Variants in PLXNB1 observed in about 807,000 individuals in gnomAD.
The protein encoded by PLXNB1 is plexin B1, also known as plexin-B1.
A neutral mutation model predicts 209.4 loss-of-function variants in PLXNB1; 106 were observed. The observed-to-expected ratio is 0.51, with a 90% CI of 0.43 to 0.59. PLXNB1 has a LOEUF of 0.59. Ranked by LOEUF, PLXNB1 falls within the 20% of genes least tolerant of loss-of-function variation. The pLI, the probability that PLXNB1 is intolerant of heterozygous loss-of-function variation, is 0.00. For missense variants in PLXNB1, 2,357 were observed against 2,853.2 expected, an observed-to-expected ratio of 0.83 and a Z score of 3.96; for synonymous variants, 1,167 against 1,183.2, an observed-to-expected ratio of 0.99 and a Z score of 0.28.
In PLXNB1 at chr3:48,415,133, A is replaced by G; in HGVS notation, c.3966+43T>C. On this transcript the variant is annotated intron_variant, in intron 20 of 37. Coordinates refer to ENST00000296440, the MANE Select transcript of PLXNB1 (RefSeq NM_001130082.3). The surrounding 1 kb of genome is among the most constrained non-coding windows in gnomAD (Gnocchi z 5.0). Reference sequence around the variant, plus strand: ...GCTCTGGCTGTCCCCAGGGTGTGGTATGGGGCAAGGGGAGAGTGTGGGGGT... The same window carrying G: ...GCTCTGGCTGTCCCCAGGGTGTGGTGTGGGGCAAGGGGAGAGTGTGGGGGT... 6.2e-7 allele frequency: 1 copy of G among 1,606,718 alleles called. No individual in the cohort carries two copies. The highest frequency in any genetic ancestry group is 8.5e-7 in the Non-Finnish European group (1 of 1,174,540).
Position 48,415,478 on chromosome 3 carries a change from A to G in PLXNB1, c.3794+105T>C. On this transcript the variant is annotated intron_variant, in intron 19 of 37. Coordinates refer to ENST00000296440, the MANE Select transcript of PLXNB1 (RefSeq NM_001130082.3). This position sits in a 1 kb window ranked among gnomAD's most constrained non-coding sequence, Gnocchi z 5.0. Reference sequence around the variant, plus strand: ...ACGACCCCTTGCCCCTACTAGCAGCATGGGATTCTCAGTGCCTCAACATAA... The same window carrying G: ...ACGACCCCTTGCCCCTACTAGCAGCGTGGGATTCTCAGTGCCTCAACATAA... 4 of 1,417,366 alleles carry G rather than the reference A, an allele frequency of 2.8e-6. No individual in the cohort carries two copies. Among genetic ancestry groups the G allele is most frequent in the Non-Finnish European group, 3.8e-6 (4 of 1,041,572 alleles). 87.8% of individuals were successfully genotyped at this position (1,417,366 alleles called of 1,614,324 possible). A position where few individuals can be genotyped will look rare whatever the true frequency, so the allele number is the denominator to read the frequency against.
chr3:48,418,818 G>T lies in PLXNB1; in HGVS notation c.2955+99C>A. On this transcript the variant is annotated intron_variant, in intron 13 of 37. Transcript: ENST00000296440. The surrounding 1 kb of genome is among the most constrained non-coding windows in gnomAD (Gnocchi z 6.6). ...ACTCCCTCAGGGCGACACGGTCAGA[G>T]CGTGGCTCTGGAAAGTGTGGTGCAG... The T allele has an allele frequency of 1.4e-6, 2 of 1,466,698 alleles. No homozygotes were observed. Among genetic ancestry groups the T allele is most frequent in the Non-Finnish European group, 1.9e-6 (2 of 1,060,450 alleles). 90.9% of individuals were successfully genotyped at this position (1,466,698 alleles called of 1,614,324 possible).
chr3:48,407,023 G>A lies in PLXNB1; in HGVS notation c.6152+4C>T. On this transcript the variant is annotated splice_donor_region_variant and intron_variant, in intron 35 of 37. Coordinates refer to ENST00000296440, the MANE Select transcript of PLXNB1 (RefSeq NM_001130082.3). Reference sequence around the variant, plus strand: ...CAACCTCTACCCACCGTGCCCTCCAGTACCTTTCCACCATCCGCTTGTACC... The same window carrying A: ...CAACCTCTACCCACCGTGCCCTCCAATACCTTTCCACCATCCGCTTGTACC... The A allele has an allele frequency of 6.2e-7, 1 of 1,614,008 alleles. No individual in the cohort carries two copies. Among genetic ancestry groups the A allele is most frequent in the Non-Finnish European group, 8.5e-7 (1 of 1,179,960 alleles).
chr3:48,413,144 C>T lies in PLXNB1; in HGVS notation c.4561G>A (p.Asp1521Asn). 1.2e-6 allele frequency: 2 copies of T among 1,613,196 alleles called. No homozygotes were observed. The highest frequency in any genetic ancestry group is 1.7e-6 in the Non-Finnish European group (2 of 1,179,960). Residue 1521 changes from aspartate (D) to asparagine (N), a missense_variant, in exon 24 of 38, where the codon GAC becomes AAC. By Grantham distance (23) the Asp-to-Asn change is conservative. Transcript: ENST00000296440. This position sits in a 1 kb window ranked among gnomAD's most constrained non-coding sequence, Gnocchi z 5.4. The part of the protein sequence containing the change: ...YRRKSKQALR[D>N]YKKVQIQLEN... The stretch of plus-strand genomic sequence containing the variant: ...AGCTGGATCTGAACCTTCTTATAGT[C>T]CCTCAGGGCCTGCTTGCTCTTCCTC...
intron 34 of PLXNB1, among the ~76,000 whole-genome samples, chr3:48,407,464 C>T (rs1027355884): frequency 2.6e-5 from 4 of 152,162 alleles, no homozygotes; most frequent in African/African-American, 9.7e-5. Context: ...ATTACCTAAG[C>T]GGCCACAGAC....
chr3:48,422,768 G>A lies in PLXNB1; in HGVS notation c.1287C>T (p.His429=). Residue 429 remains histidine, a synonymous_variant, in exon 4 of 38, where the codon CAC becomes CAT. Coordinates refer to ENST00000296440, the MANE Select transcript of PLXNB1 (RefSeq NM_001130082.3). ...CCAGTACTTCCTGTGGGCTCACCCT[G>A]TGCAGCTGCCCTTGACTATCACCCA... The part of the protein sequence containing the change: ...AFLGDSQGQL[H]RVYLGPGSDG... 6.2e-7 allele frequency: 1 copy of A among 1,613,586 alleles called. No individual in the cohort carries two copies.
chr3:48,414,106 C>T, intron 21 of PLXNB1, 35 bp from the exon 22 acceptor site: 1 of 1,605,766 alleles, frequency 6.2e-7, no homozygotes, highest in Non-Finnish European at 8.5e-7. Flanking sequence ...TCACTCAGGA[C>T]CCTTCCCTCA....
chr3:48,424,122 G>A lies in PLXNB1; in HGVS notation c.490C>T (p.Pro164Ser). ...GLVAQGLAGE[P>S]LLFVGRGYTS... ...TATCCTCGCCCCACAAACAGGAGGG[G>A]CTCCCCTGCCAAGCCCTGGGCTACC... The change falls in exon 3 of 38, where the codon CCC becomes TCC. Residue 164 changes from proline to serine, a missense_variant. Transcript: ENST00000296440. 5 of 1,554,230 alleles carry A rather than the reference G, an allele frequency of 3.2e-6. No homozygotes were observed. The highest frequency in any genetic ancestry group is 4.4e-6 in the Non-Finnish European group (5 of 1,149,136).
Position 48,413,502 on chromosome 3 carries a change from T to C in PLXNB1, c.4535+168A>G, listed in dbSNP as rs1472446088. 3 of 688,896 alleles carry C rather than the reference T, an allele frequency of 4.4e-6. No individual in the cohort carries two copies. The highest frequency in any genetic ancestry group is 5.5e-5 in the East Asian group (2 of 36,270). 42.7% of individuals were successfully genotyped at this position (688,896 alleles called of 1,614,324 possible). A position where few individuals can be genotyped will look rare whatever the true frequency, so the allele number is the denominator to read the frequency against. ...GTCCCTGGCTGCCTTTGTGCCACAG[T>C]GGCAAAGCTGAGTTGTTGAACAGAG... is the stretch of plus-strand genomic sequence containing the variant. On this transcript the variant is annotated intron_variant, in intron 23 of 37. Transcript: ENST00000296440. The surrounding 1 kb of genome is among the most constrained non-coding windows in gnomAD (Gnocchi z 5.4).
chr3:48,421,755 T>C lies in PLXNB1; in HGVS notation c.1572A>G (p.Leu524=), dbSNP rs1261269277. 2.5e-6 allele frequency: 4 copies of C among 1,610,324 alleles called. No homozygotes were observed. Among genetic ancestry groups the C allele is most frequent in the Admixed American group, 1.7e-5 (1 of 59,970 alleles). Residue 524 remains leucine (L), a synonymous_variant, in exon 7 of 38, where the codon CTA becomes CTG. Coordinates refer to ENST00000296440, the MANE Select transcript of PLXNB1 (RefSeq NM_001130082.3). ...CSRGQGPEQW[L]WSFQPELGCL... ...AGCCCAGCTCAGGCTGGAAGCTCCA[T>C]AGCCACTGCTCTGGGCCCTGGCCCC...
intron 21 of PLXNB1, 137 bp downstream of exon 21, chr3:48,414,662 C>A: frequency 8.5e-7 from 1 of 1,173,828 alleles, no homozygotes; most frequent in Non-Finnish European, 1.2e-6. Flanking sequence ...CCTCTGCCCC[C>A]ACCACAGCAA....
Position 48,415,219 on chromosome 3 carries a change from G to C in PLXNB1, c.3923C>G (p.Pro1308Arg), listed in dbSNP as rs780783476. ...GGGTCCAAGGGAACATGCCGTCTCCGGGACCACGCGACGCCTCCGTCCAAG... is the reference window on the plus strand; with the variant it reads ...GGGTCCAAGGGAACATGCCGTCTCCCGGACCACGCGACGCCTCCGTCCAAG... ...QGLGRRRRVV[P>R]ETACSLGPSC... The change falls in exon 20 of 38, where the codon CCG becomes CGG. Residue 1308 changes from proline to arginine, a missense_variant. This residue lies in a region of PLXNB1 where 743 missense variants were observed against 896.2 expected (regional missense o/e 0.83). Transcript: ENST00000296440. The surrounding 1 kb of genome is among the most constrained non-coding windows in gnomAD (Gnocchi z 5.0). 1 of 1,613,462 alleles carries C rather than the reference G, an allele frequency of 6.2e-7. No individual in the cohort carries two copies. The highest frequency in any genetic ancestry group is 1.1e-5 in the South Asian group (1 of 91,080).
chr3:48,422,478 GGGTCTGGGACCCA>G lies in PLXNB1; in HGVS notation c.1291-32_1291-20del. On this transcript the variant is annotated intron_variant, in intron 4 of 37. Transcript: ENST00000296440. ...AGTAGACCTGGGATCAGAGACCACA[GGGTCTGGGACCCA>G]AGTCCATGGCCAGAGGCCCAAAGCC... The G allele has an allele frequency of 6.4e-7, 1 of 1,564,536 alleles. No homozygotes were observed. Among genetic ancestry groups the G allele is most frequent in the East Asian group, 2.3e-5 (1 of 42,758 alleles).
At chr3:48,427,042 C>T (rs1418494551) in intron 1 of PLXNB1, among the ~76,000 whole-genome samples, 1 of 152,224 alleles carries the variant, frequency 6.6e-6, no homozygotes, top group Non-Finnish European at 1.5e-5. Flanking sequence ...CTCACTCCTA[C>T]ATGCTTACAA....
In PLXNB1 at chr3:48,412,581, G is replaced by C; in HGVS notation, c.4894C>G (p.Arg1632Gly). ...AGAGATGCCACGTAGGCACGGTCCC[G>C]AGCTGAAAAGGTGCGCTGGCTCTCC... ...TLESQRTFSA[R>G]DRAYVASLLT... The change falls in exon 26 of 38, where the codon CGG (arginine) becomes GGG (glycine). Residue 1632 changes from arginine to glycine, a missense_variant. Physicochemically the swap from Arg to Gly is moderately radical, Grantham distance 125. Around this residue, in one of 7 missense-constraint regions of PLXNB1, gnomAD observed 743 missense variants for 896.2 expected, o/e 0.83. Coordinates refer to ENST00000296440, the MANE Select transcript of PLXNB1 (RefSeq NM_001130082.3). 1.2e-6 allele frequency: 2 copies of C among 1,613,576 alleles called. No homozygotes were observed. The highest frequency in any genetic ancestry group is 1.7e-6 in the Non-Finnish European group (2 of 1,180,038).
chr3:48,409,535 C>T lies in PLXNB1; in HGVS notation c.5939+36G>A. 6.2e-7 allele frequency: 1 copy of T among 1,613,886 alleles called. No homozygotes were observed. Among genetic ancestry groups the T allele is most frequent in the Non-Finnish European group, 8.5e-7 (1 of 1,179,846 alleles). On this transcript the variant is annotated intron_variant, in intron 33 of 37. Transcript: ENST00000296440. The surrounding 1 kb of genome is among the most constrained non-coding windows in gnomAD (Gnocchi z 5.8). ...CTGGGGAGGCAGAAGAGAAGACCCC[C>T]CACACACACCTAGAGCCCACCCAGC... is the stretch of plus-strand genomic sequence containing the variant.
intron 34 of PLXNB1, among the ~76,000 whole-genome samples, chr3:48,408,345 T>A (rs533501230): frequency 6.6e-6 from 1 of 152,166 alleles, no homozygotes; most frequent in East Asian, 1.9e-4. Context: ...TGTAGGGATG[T>A]ATCTCTCAAG....
In PLXNB1 at chr3:48,418,569, T is replaced by A. The variant is rs373378939; in HGVS notation, c.2956-27A>T. ...TGGAGAAATGGGAGTGGGTTCAGAG[T>A]CAAGCACTGGGGGAAGTGTCAGGCC... On this transcript the variant is annotated intron_variant, in intron 13 of 37. Coordinates refer to ENST00000296440, the MANE Select transcript of PLXNB1 (RefSeq NM_001130082.3). The surrounding 1 kb of genome is among the most constrained non-coding windows in gnomAD (Gnocchi z 6.6). 6.5e-7 allele frequency: 1 copy of A among 1,548,716 alleles called. No homozygotes were observed. The highest frequency in any genetic ancestry group is 8.8e-7 in the Non-Finnish European group (1 of 1,140,248).
chr3:48,425,996 T>C (rs900651465), intron 1 of PLXNB1, among the ~76,000 whole-genome samples: 1 of 152,064 alleles, frequency 6.6e-6, no homozygotes, highest in Non-Finnish European at 1.5e-5. Flanking sequence ...ACCCGAGACA[T>C]TCAGACCACC....
Sources: gnomAD v4.1 joint callset for allele counts (sites outside exome capture counted in the v4.1 genomes callset) on GRCh38, gnomAD v4.1.1 for gene constraint, gnomAD v4.1.1 regional missense constraint, Gnocchi (gnomAD v3.1) non-coding constraint, MANE v1.5 for transcripts, NCBI Gene and HGNC (gene_info 2026-07-23, HGNC 2026-07-21) for gene names.